The following LDAH variants were observed in gnomAD, a reference collection of about 807,000 sequenced individuals.
LDAH encodes lipid droplet-associated hydrolase.
LDAH carries 26 observed loss-of-function variants against 29.6 expected under a neutral mutation model. The ratio of observed to expected loss-of-function variants is 0.88; its 90% CI spans 0.64 to 1.22. LDAH has a LOEUF of 1.22. Among genes scored for constraint, LDAH ranks in the 50% most tolerant of loss-of-function variants. The probability of loss-of-function intolerance (pLI) is 0.00; values close to 1 mark genes in which losing one functional copy is unlikely to be tolerated. For synonymous variants in LDAH, 117 were observed against 133.0 expected, an observed-to-expected ratio of 0.88 and a Z score of 0.83; for missense variants, 344 against 387.3, an observed-to-expected ratio of 0.89 and a Z score of 0.94.
chr2:20,715,565 C>T (rs1163087935), intron 5 of LDAH, among the ~76,000 whole-genome samples: 7 of 152,184 alleles, frequency 4.6e-5, no homozygotes, highest in Admixed American at 3.9e-4. Context: ...AAAGGGTATT[C>T]AATTAGGAAA....
In LDAH at chr2:20,774,869, C is replaced by T; in HGVS notation, c.409G>A (p.Gly137Ser). The change falls in exon 4 of 7, where the codon GGC (glycine) becomes AGC (serine). Residue 137 changes from glycine (G) to serine (S), a missense_variant. Gly to Ser is a moderately conservative substitution (Grantham distance 56). Transcript: ENST00000237822. ...GTGAAATAGCTGCCTATTGAATGGC[C>T]AATGAGCACAAGTTTCATGTCCTTT... ...VPKDMKLVLI[G>S]HSIGSYFTLQ... 1 of 1,613,544 alleles carries T rather than the reference C, an allele frequency of 6.2e-7. No homozygotes were observed. The highest frequency in any genetic ancestry group is 8.5e-7 in the Non-Finnish European group (1 of 1,179,958).
chr2:20,774,959 TA>T lies in LDAH; in HGVS notation c.318del (p.Lys107ArgfsTer6). ...TTSEDSNAQEIKDIYGLNGQI... is the reference protein window; with the variant it reads ...TTSEDSNAQEXKDIYGLNGQI... The stretch of plus-strand genomic sequence containing the variant: ...TGTCCATTTAGTCCATAAATGTCCT[TA>T]ATTTCTTGAGCGTTTGAATCTAAAA... On this transcript the variant is annotated frameshift_variant, in exon 4 of 7. Coordinates refer to ENST00000237822, the MANE Select transcript of LDAH (RefSeq NM_021925.4). LOFTEE classifies it high-confidence loss of function. 1 of 1,595,646 alleles carries T rather than the reference TA, an allele frequency of 6.3e-7. No individual in the cohort carries two copies. The highest frequency in any genetic ancestry group is 1.1e-5 in the South Asian group (1 of 89,442).
At chr2:20,689,858 A>G (rs1662864317) in intron 6 of LDAH, among the ~76,000 whole-genome samples, 2 of 152,150 alleles carry the variant, frequency 1.3e-5, no homozygotes, top group South Asian at 4.1e-4. Context: ...GGACCCTGAG[A>G]AAGCTACTCT....
rs1662625364 is a variant in LDAH, at chr2:20,687,202, T to C, written c.787-108A>G. The C allele has an allele frequency of 3.7e-6, 3 of 808,026 alleles. No individual in the cohort carries two copies. In the African/African-American group the frequency reaches 5.2e-5, roughly 14 times the overall value. The allele number at this position is 808,026 out of a possible 1,614,324, so 50.1% of individuals were successfully genotyped here. A position where few individuals can be genotyped will look rare whatever the true frequency, so the allele number is the denominator to read the frequency against. On this transcript the variant is annotated intron_variant, in intron 6 of 6. Transcript: ENST00000237822. The stretch of plus-strand genomic sequence containing the variant: ...TGAGGACAGCACCTACGCCTGACCC[T>C]GGGAGCTAGTCCCTAAGCTCTCTCC...
intron 1 of LDAH, 60 bp from the exon 2 acceptor site, chr2:20,801,525 G>C: frequency 6.9e-7 from 1 of 1,459,464 alleles, no homozygotes; most frequent in African/African-American, 1.4e-5. Flanking sequence ...TTGAGCCAAA[G>C]ACAAAATTCA....
chr2:20,811,088 G>C (rs1013665907), intron 1 of LDAH, among the ~76,000 whole-genome samples: 5 of 151,500 alleles, frequency 3.3e-5, no homozygotes, highest in Admixed American at 2.0e-4. Flanking sequence ...CGCGATCTCG[G>C]CTCACTGCAA....
intron 5 of LDAH, among the ~76,000 whole-genome samples, chr2:20,724,229 T>A (rs1665862061): frequency 6.6e-6 from 1 of 152,230 alleles, no homozygotes; most frequent in Non-Finnish European, 1.5e-5. Flanking sequence ...CATCTTCTCC[T>A]CTGTTACTTA....
At chr2:20,715,017 C>T (rs543128259) in intron 5 of LDAH, among the ~76,000 whole-genome samples, 1 of 152,316 alleles carries the variant, frequency 6.6e-6, no homozygotes, top group East Asian at 1.9e-4. Flanking sequence ...AGGGAATCCT[C>T]CCTAACTCAT....
intron 6 of LDAH, among the ~76,000 whole-genome samples, chr2:20,688,954 A>G (rs541054460): frequency 6.7e-6 from 1 of 150,222 alleles, no homozygotes; most frequent in African/African-American, 2.5e-5. Context: ...CCCGTCATCT[A>G]CATTAGGTAT....
chr2:20,778,134 G>A (rs1312072506), intron 3 of LDAH, among the ~76,000 whole-genome samples: 1 of 152,156 alleles, frequency 6.6e-6, no homozygotes, highest in African/African-American at 2.4e-5. Context: ...GCAGAAAGAG[G>A]AAGACATAAG....
intron 4 of LDAH, among the ~76,000 whole-genome samples, chr2:20,762,997 ACT>A (rs1668793196): frequency 6.6e-6 from 1 of 152,224 alleles, no homozygotes; most frequent in African/African-American, 2.4e-5. Context: ...ATCAACTTCC[ACT>A]GACACATCTG....
chr2:20,744,134 T>C (rs765437693), intron 4 of LDAH, among the ~76,000 whole-genome samples: 23 of 152,090 alleles, frequency 1.5e-4, no homozygotes, highest in Non-Finnish European at 2.6e-4. Flanking sequence ...TAGCCATTAG[T>C]ATATTAATCA....
chr2:20,707,646 T>C (rs898536733), intron 5 of LDAH, among the ~76,000 whole-genome samples: 3 of 152,080 alleles, frequency 2.0e-5, no homozygotes, highest in Non-Finnish European at 4.4e-5. Flanking sequence ...AGCACAATTG[T>C]ATGAGAAATT....
At chr2:20,755,129 TTGTG>T (rs70939051) in intron 4 of LDAH, among the ~76,000 whole-genome samples, 31,445 of 118,066 alleles carry the variant, frequency 0.27, 3,930 homozygotes, top group Middle Eastern at 0.45. Context: ...GTGTCTGTGT[TTGTG>T]TGTGTGTGTG....
At chr2:20,710,290 T>C (rs1413067918) in intron 5 of LDAH, among the ~76,000 whole-genome samples, 1 of 152,098 alleles carries the variant, frequency 6.6e-6, no homozygotes, top group Non-Finnish European at 1.5e-5. Flanking sequence ...GATAATCACA[T>C]AATTTTGTGA....
chr2:20,806,560 C>T (rs1440452226), intron 1 of LDAH, among the ~76,000 whole-genome samples: 1 of 152,030 alleles, frequency 6.6e-6, no homozygotes, highest in Non-Finnish European at 1.5e-5. Context: ...CCAACATAAA[C>T]ATGCTGGTGA....
At chr2:20,695,770 A>G (rs956508189) in intron 6 of LDAH, among the ~76,000 whole-genome samples, 7 of 152,314 alleles carry the variant, frequency 4.6e-5, no homozygotes, top group Admixed American at 4.6e-4. Flanking sequence ...TAAGGTCTGA[A>G]TTACAAGGTA....
At chr2:20,769,469 T>A (rs1486386679) in intron 4 of LDAH, among the ~76,000 whole-genome samples, 1 of 152,204 alleles carries the variant, frequency 6.6e-6, no homozygotes, top group Non-Finnish European at 1.5e-5. Context: ...ATATGAATGC[T>A]TCTTACAAGC....
chr2:20,747,386 A>G (rs1332166993), intron 4 of LDAH, among the ~76,000 whole-genome samples: 2 of 152,142 alleles, frequency 1.3e-5, no homozygotes, highest in Non-Finnish European at 2.9e-5. Context: ...CCGTACAAGC[A>G]GAAAACAAAC....
Sources: gnomAD v4.1 joint callset for allele counts (sites outside exome capture counted in the v4.1 genomes callset) on GRCh38, gnomAD v4.1.1 for gene constraint, MANE v1.5 for transcripts, NCBI Gene and HGNC (gene_info 2026-07-23, HGNC 2026-07-21) for gene names.